Variants in SLC4A4 observed in about 807,000 individuals in gnomAD.
SLC4A4 encodes the protein solute carrier family 4 member 4, also known as electrogenic sodium bicarbonate cotransporter 1.
A neutral mutation model predicts 111.5 loss-of-function variants in SLC4A4; 27 were observed. The ratio of observed to expected loss-of-function variants is 0.24; its 90% CI spans 0.18 to 0.33. The LOEUF is 0.33. Among genes scored for constraint, SLC4A4 ranks in the 10% least tolerant of loss-of-function variants. The pLI, the probability that SLC4A4 is intolerant of heterozygous loss-of-function variation, is 1.00. For synonymous variants in SLC4A4, 443 were observed against 463.4 expected, an observed-to-expected ratio of 0.96 and a Z score of 0.57; for missense variants, 909 against 1,315.5, an observed-to-expected ratio of 0.69 and a Z score of 4.78.
chr4:71,174,237 C>A (rs1274138841), intron 2 of SLC4A4, among the ~76,000 whole-genome samples: 2 of 151,040 alleles, frequency 1.3e-5, no homozygotes, highest in East Asian at 3.9e-4. Flanking sequence ...CAAAATTAGG[C>A]TCAATGACCA....
In SLC4A4 at chr4:71,218,360, A is replaced by G. The variant is rs74442340; in HGVS notation, c.-1-18216A>G. On this transcript the variant is annotated intron_variant, in intron 1 of 25. Transcript: ENST00000264485. ...TCTATTAGAGGTAACACTGGTATTT[A>G]TGCTCTAATTTCAGTCACTTGTTTG... Among the ~76,000 whole-genome samples the G allele has an allele frequency of 2.4e-3, 359 of 152,312 alleles. 8 individuals carry two copies. The East Asian group carries it at 0.057, about 24-fold the overall frequency.
At position 71,179,745 on chromosome 4, in the gene SLC4A4, A is replaced by G. The variant is rs185530935; in HGVS notation, c.-1-56831A>G. On this transcript the variant is annotated intron_variant, in intron 2 of 26. Coordinates refer to the SLC4A4 transcript ENST00000649996. The stretch of plus-strand genomic sequence containing the variant: ...GAACATTCCATGCTCGTGGGTAGGA[A>G]GAATCAATACCATGAAAATGGCCAT... Among the ~76,000 whole-genome samples, 345 of 152,354 alleles carry G rather than the reference A, an allele frequency of 2.3e-3. 4 individuals carry two copies. Among genetic ancestry groups the G allele is most frequent in the African/African-American group, 7.8e-3 (325 of 41,584 alleles).
chr4:71,417,393 A>G (rs1039821826), intron 7 of SLC4A4, among the ~76,000 whole-genome samples: 4 of 152,180 alleles, frequency 2.6e-5, no homozygotes, highest in African/African-American at 9.7e-5. Flanking sequence ...GTTCAGAGGC[A>G]TAAGTGGAAT....
chr4:71,157,619 A>G (rs1360064601), intron 2 of SLC4A4, among the ~76,000 whole-genome samples: 1 of 152,216 alleles, frequency 6.6e-6, no homozygotes, highest in Non-Finnish European at 1.5e-5. Context: ...ATTTGAAAGG[A>G]CATTTAATAT....
At chr4:71,281,435 T>G (rs534822503) in intron 3 of SLC4A4, among the ~76,000 whole-genome samples, 7 of 152,268 alleles carry the variant, frequency 4.6e-5, no homozygotes, top group Middle Eastern at 3.4e-3. Context: ...TTAAGTGAGT[T>G]TATGTCTTTC....
chr4:71,418,787 G>A (rs1722052961), intron 7 of SLC4A4, among the ~76,000 whole-genome samples: 1 of 152,106 alleles, frequency 6.6e-6, no homozygotes, highest in Non-Finnish European at 1.5e-5. Flanking sequence ...AAAATTTAAA[G>A]GTACTTTTTC....
intron 16 of SLC4A4, among the ~76,000 whole-genome samples, chr4:71,514,153 A>T (rs1436773596): frequency 6.6e-6 from 1 of 152,124 alleles, no homozygotes; most frequent in Non-Finnish European, 1.5e-5. Flanking sequence ...CATAGAAAGT[A>T]TTAGGGGATG....
At chr4:71,389,309 C>T (rs918643692) in intron 6 of SLC4A4, among the ~76,000 whole-genome samples, 2 of 152,146 alleles carry the variant, frequency 1.3e-5, no homozygotes, top group African/African-American at 2.4e-5. Context: ...TACTCACATA[C>T]TTTGATGGTT....
At position 71,335,634 on chromosome 4, in the gene SLC4A4, A is replaced by G. The variant is rs139447213; in HGVS notation, c.254-3736A>G. 7.9e-3 allele frequency among the ~76,000 whole-genome samples: 1,197 copies of G among 152,162 alleles called. 16 individuals are homozygous for G. Among genetic ancestry groups the G allele is most frequent in the African/African-American group, 0.025 (1,058 of 41,504 alleles). ...AGGTTGGGAGATCGAGACCATCCTG[A>G]CTAACACGGTGAAACCCCGTCTCTA... On this transcript the variant is annotated intron_variant, in intron 3 of 25. Coordinates refer to ENST00000264485, the MANE Select transcript of SLC4A4 (RefSeq NM_001098484.3).
At chr4:71,279,888 C>G (rs550183197) in intron 3 of SLC4A4, among the ~76,000 whole-genome samples, 1 of 152,124 alleles carries the variant, frequency 6.6e-6, no homozygotes, top group African/African-American at 2.4e-5. Flanking sequence ...CTCTGCTTCC[C>G]GGGTTCAAGA....
intron 25 of SLC4A4, 60 bp downstream of exon 25, chr4:71,567,143 G>A (rs564646369): frequency 4.1e-5 from 53 of 1,290,738 alleles, no homozygotes; most frequent in Non-Finnish European, 5.4e-5. Flanking sequence ...CAGAAATGTA[G>A]TTAATGGTGG....
chr4:71,268,499 A>G (rs143735397), intron 3 of SLC4A4, among the ~76,000 whole-genome samples: 119 of 152,334 alleles, frequency 7.8e-4, no homozygotes, highest in African/African-American at 2.8e-3. Flanking sequence ...TTGGTTTGTT[A>G]GCTTATTTTG....
At position 71,063,951 on chromosome 4, in the gene SLC4A4, T is replaced by C. The variant is rs145281783; in HGVS notation, c.-65+1163T>C. Among the ~76,000 whole-genome samples the C allele has an allele frequency of 3.4e-4, 49 of 145,888 alleles. 1 individual carries two copies. Among genetic ancestry groups the C allele is most frequent in the African/African-American group, 1.3e-3 (47 of 35,638 alleles). ...CAGGGAGCATTTGTAAAGTGCTTTA[T>C]TGTTTGCAAAGTGCTTTATTGTTTA... is the stretch of plus-strand genomic sequence containing the variant. On this transcript the variant is annotated intron_variant, in intron 1 of 26. Coordinates refer to the SLC4A4 transcript ENST00000649996.
In SLC4A4 at chr4:71,075,678, T is replaced by C. The variant is rs374568923; in HGVS notation, c.-65+12890T>C. Among the ~76,000 whole-genome samples, 145 of 152,180 alleles carry C rather than the reference T, an allele frequency of 9.5e-4. No individual in the cohort carries two copies. In the South Asian group the frequency reaches 0.029, roughly 31 times the overall value. ...TCTTGGCTGACTACCCAATCTGAAA[T>C]AGCAATCACGGCCGGGCGCGGTGGC... On this transcript the variant is annotated intron_variant, in intron 1 of 26. Coordinates refer to the SLC4A4 transcript ENST00000649996.
intron 3 of SLC4A4, among the ~76,000 whole-genome samples, chr4:71,304,559 C>A (rs1415734715): frequency 7.2e-5 from 11 of 152,204 alleles, no homozygotes; most frequent in Admixed American, 7.2e-4. Flanking sequence ...AAGAGGCAAA[C>A]CTAGAAATAA....
At chr4:71,467,626 C>G (rs552614804) in intron 13 of SLC4A4, among the ~76,000 whole-genome samples, 1 of 152,044 alleles carries the variant, frequency 6.6e-6, no homozygotes, top group African/African-American at 2.4e-5. Context: ...TCAGGAATCA[C>G]TAGAAGTTTC....
intron 3 of SLC4A4, among the ~76,000 whole-genome samples, chr4:71,337,902 T>C (rs1425094080): frequency 1.3e-5 from 2 of 152,110 alleles, no homozygotes; most frequent in African/African-American, 4.8e-5. Flanking sequence ...TGATCTCGGC[T>C]CACTGCAACC....
intron 12 of SLC4A4, among the ~76,000 whole-genome samples, chr4:71,455,092 C>T (rs1726108055): frequency 6.6e-6 from 1 of 152,188 alleles, no homozygotes; most frequent in Non-Finnish European, 1.5e-5. Context: ...CTCAGCTTTG[C>T]TTTTTCCCAC....
At chr4:71,184,500 G>A (rs1745392614), upstream of SLC4A4, among the ~76,000 whole-genome samples, 1 of 152,140 alleles carries the variant, frequency 6.6e-6, no homozygotes, top group Non-Finnish European at 1.5e-5. Context: ...TAAGTACTGG[G>A]CTGGTATTCT....
Sources: allele counts gnomAD v4.1 joint callset (sites outside exome capture counted in the v4.1 genomes callset), GRCh38; gene constraint gnomAD v4.1.1; transcripts MANE v1.5; gene names NCBI Gene and HGNC (gene_info 2026-07-23, HGNC 2026-07-21).